LINGO2: variants seen among roughly 807,000 people sequenced by gnomAD.
LINGO2 encodes leucine-rich repeat and immunoglobulin-like domain-containing nogo receptor-interacting protein 2.
LINGO2 carries 14 observed loss-of-function variants against 30.6 expected under a neutral mutation model. The ratio of observed to expected loss-of-function variants is 0.46; its 90% CI spans 0.30 to 0.72. LINGO2 has a LOEUF of 0.72. Among genes scored for constraint, LINGO2 ranks in the 30% least tolerant of loss-of-function variants. The pLI is 0.07. For synonymous variants in LINGO2, 317 were observed against 288.5 expected, an observed-to-expected ratio of 1.10 and a Z score of -1.00; for missense variants, 729 against 751.7, an observed-to-expected ratio of 0.97 and a Z score of 0.35.
the LINGO2 span, among the ~76,000 whole-genome samples, chr9:28,944,475 G>A: frequency 1.3e-5 from 2 of 152,056 alleles, no homozygotes; most frequent in African/African-American, 4.8e-5. Context: ...GCATGATCTC[G>A]GCTCATTGCA....
chr9:28,566,553 G>C (rs1157039417), intron 1 of LINGO2, among the ~76,000 whole-genome samples: 2 of 152,046 alleles, frequency 1.3e-5, no homozygotes, highest in African/African-American at 4.8e-5. Flanking sequence ...CCTGAAAACT[G>C]CTCCCTCAGA....
the LINGO2 span, among the ~76,000 whole-genome samples, chr9:29,094,914 T>C: frequency 7.2e-6 from 1 of 138,870 alleles, no homozygotes; most frequent in African/African-American, 2.7e-5. Flanking sequence ...TATATCTCTT[T>C]TTGAGATTCT....
chr9:28,923,812 C>T, the LINGO2 span, among the ~76,000 whole-genome samples: 2 of 151,958 alleles, frequency 1.3e-5, no homozygotes, highest in African/African-American at 4.8e-5. Flanking sequence ...TAAAATAGGC[C>T]AATTATTAAC....
the LINGO2 span, among the ~76,000 whole-genome samples, chr9:28,867,545 A>G: frequency 5.3e-5 from 8 of 152,054 alleles, no homozygotes; most frequent in Non-Finnish European, 1.2e-4. Context: ...ATTTGCCATA[A>G]ATTACAGAGA....
the LINGO2 span, among the ~76,000 whole-genome samples, chr9:29,100,386 C>T: frequency 9.2e-5 from 14 of 151,842 alleles, no homozygotes; most frequent in Non-Finnish European, 1.9e-4. Context: ...CACCTGAGGT[C>T]AGTTCAAGAC....
the LINGO2 span, among the ~76,000 whole-genome samples, chr9:29,085,566 T>C: frequency 6.6e-6 from 1 of 152,032 alleles, no homozygotes; most frequent in African/African-American, 2.4e-5. Flanking sequence ...AATGAAAGAC[T>C]GAAGCAGAAC....
chr9:29,161,718 T>C, the LINGO2 span, among the ~76,000 whole-genome samples: 19 of 152,234 alleles, frequency 1.2e-4, no homozygotes, highest in Admixed American at 8.5e-4. Flanking sequence ...CACTCCCTTA[T>C]GGTGAAGGAT....
chr9:28,029,968 C>T (rs188806542), intron 4 of LINGO2, among the ~76,000 whole-genome samples: 27 of 152,078 alleles, frequency 1.8e-4, no homozygotes, highest in African/African-American at 3.9e-4. Flanking sequence ...AAGTGAAGAG[C>T]GTAAGAAAAT....
chr9:28,436,191 C>G (rs1189838493), intron 2 of LINGO2, among the ~76,000 whole-genome samples: 1 of 152,094 alleles, frequency 6.6e-6, no homozygotes, highest in Non-Finnish European at 1.5e-5. Flanking sequence ...TTGTTTTTCA[C>G]TTGGTAAAGT....
the LINGO2 span, among the ~76,000 whole-genome samples, chr9:28,971,900 C>A: frequency 6.6e-6 from 1 of 152,188 alleles, no homozygotes; most frequent in South Asian, 2.1e-4. Context: ...GTGGTAGCCA[C>A]AAGGGTGCTT....
chr9:28,006,801 C>A (rs1822288530), intron 5 of LINGO2, among the ~76,000 whole-genome samples: 1 of 152,084 alleles, frequency 6.6e-6, no homozygotes, highest in Admixed American at 6.6e-5. Context: ...CATACATCAA[C>A]CTCAGTGTTG....
the LINGO2 span, among the ~76,000 whole-genome samples, chr9:28,819,005 G>C: frequency 6.6e-6 from 1 of 152,050 alleles, no homozygotes; most frequent in Admixed American, 6.6e-5. Context: ...ACATAGTTTT[G>C]TTGTTTTTTT....
At chr9:28,284,527 A>G (rs746932114) in intron 4 of LINGO2, among the ~76,000 whole-genome samples, 6 of 152,198 alleles carry the variant, frequency 3.9e-5, no homozygotes, top group Non-Finnish European at 7.4e-5. Flanking sequence ...TGTTAAATAC[A>G]GTTTTAATTC....
intron 3 of LINGO2, among the ~76,000 whole-genome samples, chr9:28,337,162 ATAG>A (rs1371119462): frequency 1.3e-5 from 2 of 150,688 alleles, no homozygotes; most frequent in African/African-American, 4.8e-5. Flanking sequence ...TTATAGAATA[ATAG>A]TAGAATTATG....
the LINGO2 span, among the ~76,000 whole-genome samples, chr9:28,849,597 G>T: frequency 6.6e-6 from 1 of 151,966 alleles, no homozygotes; most frequent in Non-Finnish European, 1.5e-5. Context: ...GCTAAAAGTT[G>T]TCATTATTTC....
chr9:28,514,563 A>G (rs1026516271), intron 1 of LINGO2, among the ~76,000 whole-genome samples: 1 of 152,226 alleles, frequency 6.6e-6, no homozygotes, highest in Admixed American at 6.5e-5. Flanking sequence ...AACCTAATCT[A>G]GAGCAAGGCC....
At chr9:29,033,024 A>T in the LINGO2 span, among the ~76,000 whole-genome samples, 1 of 152,164 alleles carries the variant, frequency 6.6e-6, no homozygotes, top group South Asian at 2.1e-4. Context: ...CTTCAATGTT[A>T]ATTTATAATA....
the LINGO2 span, among the ~76,000 whole-genome samples, chr9:28,874,499 C>T: frequency 7.9e-3 from 1,204 of 151,862 alleles, 22 homozygotes; most frequent in African/African-American, 0.028. Context: ...ATATAAAGTA[C>T]ATTAAGGGGA....
the LINGO2 span, among the ~76,000 whole-genome samples, chr9:29,209,213 A>G: frequency 2.0e-5 from 3 of 152,130 alleles, no homozygotes; most frequent in African/African-American, 4.8e-5. Flanking sequence ...TGTCAAATGA[A>G]TACCTATCCA....
Sources: allele counts gnomAD v4.1 joint callset (sites outside exome capture counted in the v4.1 genomes callset), GRCh38; gene constraint gnomAD v4.1.1; transcripts MANE v1.5; gene names NCBI Gene and HGNC (gene_info 2026-07-23, HGNC 2026-07-21).